The following CNBD1 variants were observed in gnomAD, a reference collection of about 807,000 sequenced individuals.
CNBD1 encodes cyclic nucleotide-binding domain-containing protein 1.
Under a neutral mutation model 54.4 loss-of-function variants are expected in CNBD1, and 71 were observed. That is an observed-to-expected ratio of 1.30 (90% confidence interval 1.08 to 1.59). The LOEUF is 1.59. Among genes scored for constraint, CNBD1 ranks in the 40% most tolerant of loss-of-function variants. The pLI is 0.00. For synonymous variants in CNBD1, 182 were observed against 170.7 expected (o/e 1.07, Z -0.51); for missense variants, 659 against 518.0 (o/e 1.27, Z -2.64).
chr8:87,398,780 G>T (rs958134550), intron 2 of CNBD1, among the ~76,000 whole-genome samples: 1 of 151,912 alleles, frequency 6.6e-6, no homozygotes, highest in Non-Finnish European at 1.5e-5. Flanking sequence ...TTGCCTTAAG[G>T]CTTCTACATG....
chr8:86,970,597 C>G (rs902320970), intron 4 of CNBD1, among the ~76,000 whole-genome samples: 1 of 150,536 alleles, frequency 6.6e-6, no homozygotes, highest in East Asian at 1.9e-4. Context: ...TCAACCCTTC[C>G]CCTCTTCTCT....
At chr8:87,186,998 A>C (rs1054880197) in intron 4 of CNBD1, among the ~76,000 whole-genome samples, 1 of 152,154 alleles carries the variant, frequency 6.6e-6, no homozygotes, top group African/African-American at 2.4e-5. Flanking sequence ...CAATTCTTCA[A>C]GTATCAATTT....
intron 6 of CNBD1, among the ~76,000 whole-genome samples, chr8:87,249,821 G>C (rs11997906): frequency 0.29 from 44,250 of 151,948 alleles, 7,146 homozygotes; most frequent in African/African-American, 0.43. Context: ...GATTAGAAAG[G>C]CTCATTATAA....
intron 10 of CNBD1, among the ~76,000 whole-genome samples, chr8:87,371,279 C>T (rs1464999770): frequency 6.6e-6 from 1 of 151,892 alleles, no homozygotes; most frequent in Non-Finnish European, 1.5e-5. Flanking sequence ...TCATTGGTAG[C>T]TTGATGGGGA....
At chr8:87,330,360 A>G (rs917214851) in intron 8 of CNBD1, among the ~76,000 whole-genome samples, 3 of 146,736 alleles carry the variant, frequency 2.0e-5, no homozygotes, top group African/African-American at 7.6e-5. Context: ...TTTGGCTCTC[A>G]TTTTTACTAG....
intron 6 of CNBD1, among the ~76,000 whole-genome samples, chr8:87,283,151 T>G (rs893624362): frequency 6.6e-6 from 1 of 152,148 alleles, no homozygotes; most frequent in Non-Finnish European, 1.5e-5. Flanking sequence ...TTCTTGTATA[T>G]TATCCATGTA....
At chr8:87,386,571 G>T (rs375238214), downstream of CNBD1, among the ~76,000 whole-genome samples, 1 of 152,040 alleles carries the variant, frequency 6.6e-6, no homozygotes, top group Non-Finnish European at 1.5e-5. Flanking sequence ...AGAATAAAAA[G>T]AAATGAAAAA....
chr8:87,230,327 G>A (rs1185773734), intron 5 of CNBD1, among the ~76,000 whole-genome samples: 1 of 152,050 alleles, frequency 6.6e-6, no homozygotes, highest in Non-Finnish European at 1.5e-5. Context: ...AAACCATATC[G>A]AATGGTAAGA....
intron 2 of CNBD1, among the ~76,000 whole-genome samples, chr8:87,395,557 A>G (rs1374541126): frequency 6.6e-6 from 1 of 151,932 alleles, no homozygotes; most frequent in African/African-American, 2.4e-5. Context: ...GTTATCTTTA[A>G]AACAGTGGTA....
At chr8:86,931,121 G>C (rs1809449795) in intron 3 of CNBD1, among the ~76,000 whole-genome samples, 1 of 152,208 alleles carries the variant, frequency 6.6e-6, no homozygotes, top group Non-Finnish European at 1.5e-5. Context: ...AAAGAGCAAA[G>C]TCTCCTTACA....
At chr8:87,036,594 T>TTA (rs762075391) in intron 4 of CNBD1, among the ~76,000 whole-genome samples, 7 of 64,746 alleles carry the variant, frequency 1.1e-4, no homozygotes, top group Admixed American at 2.4e-4. Flanking sequence ...ACTGCATCTC[T>TTA]AAAAAAAAAA....
intron 6 of CNBD1, among the ~76,000 whole-genome samples, chr8:87,251,001 A>C (rs1807904391): frequency 6.9e-6 from 1 of 145,368 alleles, no homozygotes; most frequent in Non-Finnish European, 1.5e-5. Flanking sequence ...TAACACAAAG[A>C]AACAATAAAA....
intron 3 of CNBD1, among the ~76,000 whole-genome samples, chr8:86,934,457 A>C (rs1809510276): frequency 6.6e-6 from 1 of 152,094 alleles, no homozygotes; most frequent in South Asian, 2.1e-4. Flanking sequence ...TAACAGCTTT[A>C]CTTGTCCTTT....
chr8:86,983,931 G>A (rs534771893), intron 4 of CNBD1, among the ~76,000 whole-genome samples: 3 of 152,268 alleles, frequency 2.0e-5, no homozygotes, highest in African/African-American at 7.2e-5. Context: ...GCCTAGTAAT[G>A]AGAGGTTTAG....
chr8:87,290,923 C>T lies in CNBD1; in HGVS notation c.1042+4252C>T, dbSNP rs538485917. Among the ~76,000 whole-genome samples the T allele has an allele frequency of 4.6e-5, 7 of 152,178 alleles. No individual in the cohort carries two copies. The East Asian group carries it at 1.2e-3, about 25-fold the overall frequency. On this transcript the variant is annotated intron_variant, in intron 8 of 10. Transcript: ENST00000518476. ...TTGTCTTTGGCTTAAAGAAGTTTTACCATAATGTGTCTGTTTGCTTATTTT... is the reference window on the plus strand; with the variant it reads ...TTGTCTTTGGCTTAAAGAAGTTTTATCATAATGTGTCTGTTTGCTTATTTT...
chr8:87,194,146 G>C (rs908703405), intron 4 of CNBD1, among the ~76,000 whole-genome samples: 1 of 152,142 alleles, frequency 6.6e-6, no homozygotes, highest in African/African-American at 2.4e-5. Context: ...TAATGCGCTT[G>C]AATCATCACA....
At chr8:87,396,590 G>A (rs550844010) in intron 2 of CNBD1, among the ~76,000 whole-genome samples, 1 of 151,756 alleles carries the variant, frequency 6.6e-6, no homozygotes, top group South Asian at 2.1e-4. Context: ...TCTTATGACT[G>A]TTGAATATTT....
At chr8:87,104,749 G>A (rs1389073151) in intron 4 of CNBD1, among the ~76,000 whole-genome samples, 2 of 152,102 alleles carry the variant, frequency 1.3e-5, no homozygotes, top group African/African-American at 4.8e-5. Flanking sequence ...ATATTTATAT[G>A]ACTTTTCATT....
chr8:87,327,878 A>T (rs1171196680), intron 8 of CNBD1, among the ~76,000 whole-genome samples: 1 of 151,630 alleles, frequency 6.6e-6, no homozygotes, highest in Non-Finnish European at 1.5e-5. Context: ...GTTTTATGTT[A>T]CTATCTTTAA....
Sources: gnomAD v4.1 joint callset for allele counts (sites outside exome capture counted in the v4.1 genomes callset) on GRCh38, gnomAD v4.1.1 for gene constraint, MANE v1.5 for transcripts, NCBI Gene and HGNC (gene_info 2026-07-23, HGNC 2026-07-21) for gene names.